Variants in NLGN1 observed in about 807,000 individuals in gnomAD.
NLGN1 encodes neuroligin-1.
A neutral mutation model predicts 65.5 loss-of-function variants in NLGN1; 12 were observed. That is an observed-to-expected ratio of 0.18 (90% CI 0.12 to 0.30). The LOEUF (loss-of-function observed/expected upper bound fraction) is 0.30. Ranked by LOEUF, NLGN1 falls within the 10% of genes least tolerant of loss-of-function variation. The pLI is 1.00. For missense variants in NLGN1, 750 were observed against 1,007.1 expected (o/e 0.74, Z 3.46); for synonymous variants, 350 against 359.5 (o/e 0.97, Z 0.30).
chr3:174,222,693 T>C (rs1738882337), intron 4 of NLGN1, among the ~76,000 whole-genome samples: 1 of 152,154 alleles, frequency 6.6e-6, no homozygotes, highest in African/African-American at 2.4e-5. Flanking sequence ...AGCAAAGTTT[T>C]CTTTTCTCTG....
At chr3:173,894,443 C>T (rs142026630) in intron 4 of NLGN1, among the ~76,000 whole-genome samples, 1 of 152,262 alleles carries the variant, frequency 6.6e-6, no homozygotes, top group East Asian at 1.9e-4. Flanking sequence ...GTTTCTAAGT[C>T]ATTCATTCTC....
chr3:173,495,255 CATA>C (rs1729810884), intron 2 of NLGN1, among the ~76,000 whole-genome samples: 1 of 151,686 alleles, frequency 6.6e-6, no homozygotes, highest in Non-Finnish European at 1.5e-5. Context: ...CTATTGCAAA[CATA>C]ATTGATTTTT....
chr3:173,919,109 T>C (rs1429632499), intron 4 of NLGN1, among the ~76,000 whole-genome samples: 2 of 152,186 alleles, frequency 1.3e-5, no homozygotes. Flanking sequence ...TTGAGTCCAC[T>C]TGGATAATCC....
intron 4 of NLGN1, among the ~76,000 whole-genome samples, chr3:173,962,994 T>C (rs888309150): frequency 1.3e-5 from 2 of 152,194 alleles, no homozygotes; most frequent in Non-Finnish European, 2.9e-5. Context: ...GTTGTAGTTA[T>C]GGTCGAGTTG....
intron 2 of NLGN1, among the ~76,000 whole-genome samples, chr3:173,488,667 G>A (rs952998461): frequency 6.6e-6 from 1 of 152,144 alleles, no homozygotes; most frequent in Non-Finnish European, 1.5e-5. Flanking sequence ...GTATTCAAAA[G>A]TAATCTTTTT....
chr3:173,408,871 C>T (rs1711882434), intron 1 of NLGN1, among the ~76,000 whole-genome samples: 1 of 148,276 alleles, frequency 6.7e-6, no homozygotes, highest in Non-Finnish European at 1.5e-5. Flanking sequence ...GAGATTGTGC[C>T]ACTGCACTCC....
chr3:174,027,265 C>T (rs1729033157), intron 4 of NLGN1, among the ~76,000 whole-genome samples: 3 of 152,144 alleles, frequency 2.0e-5, no homozygotes, highest in Admixed American at 2.0e-4. Context: ...CTCCAAAATT[C>T]ATCATCTTGG....
intron 4 of NLGN1, among the ~76,000 whole-genome samples, chr3:174,006,276 C>T (rs1196867380): frequency 6.6e-6 from 1 of 152,190 alleles, no homozygotes; most frequent in Non-Finnish European, 1.5e-5. Flanking sequence ...AAAGAAATCT[C>T]ACTCTTTTGT....
At chr3:174,121,915 A>G (rs1717859207) in intron 4 of NLGN1, among the ~76,000 whole-genome samples, 1 of 152,134 alleles carries the variant, frequency 6.6e-6, no homozygotes, top group Admixed American at 6.6e-5. Context: ...TGAACTCACT[A>G]TTCTTGCACT....
chr3:173,627,753 T>A (rs1560074248), intron 3 of NLGN1, among the ~76,000 whole-genome samples: 4 of 152,082 alleles, frequency 2.6e-5, no homozygotes, highest in African/African-American at 9.7e-5. Context: ...CAAATGAAAG[T>A]ACCTTTTTTG....
At chr3:173,970,967 CAG>C (rs1185335633) in intron 4 of NLGN1, among the ~76,000 whole-genome samples, 2 of 151,900 alleles carry the variant, frequency 1.3e-5, no homozygotes, top group Non-Finnish European at 2.9e-5. Context: ...AAATTTGAAA[CAG>C]AAAGTGGAAA....
chr3:173,541,360 G>T (rs1325372324), intron 2 of NLGN1, among the ~76,000 whole-genome samples: 1 of 152,030 alleles, frequency 6.6e-6, no homozygotes, highest in Non-Finnish European at 1.5e-5. Context: ...TGAAAGTTTG[G>T]AACTAATCCA....
rs532220965 is a variant in NLGN1, at chr3:174,031,721, C to T, written c.646+223889C>T. ...CAGAAAGAACAGTAATAATGATAGT[C>T]GTAGAAATAGAGAATTGAGAAAATG... On this transcript the variant is annotated intron_variant, in intron 4 of 6. Coordinates refer to ENST00000457714, the Ensembl canonical transcript of NLGN1. Among the ~76,000 whole-genome samples the T allele has an allele frequency of 2.6e-4, 39 of 151,790 alleles. 1 individual carries two copies. Among genetic ancestry groups the T allele is most frequent in the Admixed American group, 1.5e-3 (23 of 15,262 alleles).
chr3:173,849,017 T>A (rs1726363565), intron 4 of NLGN1, among the ~76,000 whole-genome samples: 1 of 152,126 alleles, frequency 6.6e-6, no homozygotes, highest in African/African-American at 2.4e-5. Flanking sequence ...CATAACCTTC[T>A]AAAATCCATC....
In NLGN1 at chr3:174,147,419, C is replaced by CTTTTTTTTT. The variant is rs574298501; in HGVS notation, c.647-127873_647-127865dup. Among the ~76,000 whole-genome samples, 15 of 36,260 alleles carry CTTTTTTTTT rather than the reference C, an allele frequency of 4.1e-4. 2 individuals carry two copies. The highest frequency in any genetic ancestry group is 1.4e-3 in the East Asian group (2 of 1,454). 23.8% of individuals were successfully genotyped at this position (36,260 alleles called of 152,430 possible). A position where few individuals can be genotyped will look rare whatever the true frequency, so the allele number is the denominator to read the frequency against. On this transcript the variant is annotated intron_variant, in intron 4 of 6. Transcript: ENST00000457714. ...TGAATTTTTGTGTAATGGCTCATGG[C>CTTTTTTTTT]TTTTTTTTTTTTTTTTTTTTTTTTT...
At chr3:174,153,971 T>C (rs1724873084) in intron 4 of NLGN1, among the ~76,000 whole-genome samples, 1 of 152,126 alleles carries the variant, frequency 6.6e-6, no homozygotes, top group Admixed American at 6.6e-5. Flanking sequence ...ATTTGTGTAT[T>C]TTATTGTCTT....
chr3:173,646,546 C>T (rs1487893438), intron 3 of NLGN1, among the ~76,000 whole-genome samples: 1 of 152,148 alleles, frequency 6.6e-6, no homozygotes, highest in African/African-American at 2.4e-5. Flanking sequence ...TAATATATAT[C>T]CCAGTTAATC....
chr3:173,472,907 G>A (rs909472193), intron 2 of NLGN1, among the ~76,000 whole-genome samples: 2 of 152,134 alleles, frequency 1.3e-5, no homozygotes, highest in Admixed American at 6.6e-5. Flanking sequence ...TTAGGAGTCT[G>A]TTGGCTTTAC....
chr3:174,213,022 T>C (rs1736980113), intron 4 of NLGN1, among the ~76,000 whole-genome samples: 1 of 152,352 alleles, frequency 6.6e-6, no homozygotes, highest in Admixed American at 6.5e-5. Context: ...CTATCCTTAT[T>C]TAAAAGTCAG....
Sources: allele counts gnomAD v4.1 joint callset (sites outside exome capture counted in the v4.1 genomes callset), GRCh38; gene constraint gnomAD v4.1.1; transcripts MANE v1.5; gene names NCBI Gene and HGNC (gene_info 2026-07-23, HGNC 2026-07-21).